The following CFAP47 variants were observed in gnomAD, a reference collection of about 807,000 sequenced individuals.
CFAP47 encodes cilia and flagella associated protein 47.
Under a neutral mutation model 148.1 loss-of-function variants are expected in CFAP47, and 29 were observed. The ratio of observed to expected loss-of-function variants is 0.20; its 90% confidence interval spans 0.15 to 0.27. The LOEUF (loss-of-function observed/expected upper bound fraction) is 0.27, where lower values mean the gene tolerates loss of function less well. CFAP47 is among the 10% of genes least tolerant of loss of function. The pLI is 1.00. For synonymous variants in CFAP47, 664 were observed against 577.3 expected (o/e 1.15, Z -2.15); for missense variants, 1,872 against 1,697.5 (o/e 1.10, Z -1.81).
Position 36,094,795 on chromosome X carries a change from T to C in CFAP47, c.4917-3998T>C, listed in dbSNP as rs111890979. ...TTTTTGTGGAGTCTTTAGGTTTTTC[T>C]AAATATGAGATCATATCATTTGCAA... On this transcript the variant is annotated intron_variant, in intron 30 of 63. Coordinates refer to ENST00000378653, the MANE Select transcript of CFAP47 (RefSeq NM_001304548.2). 9.6e-3 allele frequency among the ~76,000 whole-genome samples: 1,074 copies of C among 111,562 alleles called. 8 individuals carry two copies. The highest frequency in any genetic ancestry group is 0.033 in the African/African-American group (1,014 of 30,846).
chrX:36,216,657 A>G (rs1399142136), intron 45 of CFAP47, among the ~76,000 whole-genome samples: 3 of 111,634 alleles, frequency 2.7e-5, no homozygotes, highest in Admixed American at 9.6e-5. Context: ...TTTTAAGGAT[A>G]ATTTTTCAGG....
At chrX:36,353,856 G>A (rs1416331468) in intron 60 of CFAP47, among the ~76,000 whole-genome samples, 175 bp downstream of exon 60, 3 of 111,798 alleles carry the variant, frequency 2.7e-5, no homozygotes, top group Non-Finnish European at 3.8e-5. Flanking sequence ...TTATTTTCAC[G>A]TAGCTCAAAC....
intron 39 of CFAP47, among the ~76,000 whole-genome samples, chrX:36,175,978 C>T (rs1245655510): frequency 8.9e-6 from 1 of 112,533 alleles, no homozygotes; most frequent in Non-Finnish European, 1.9e-5. Flanking sequence ...ACCCTCCGAG[C>T]CAGGTGCGGG....
chrX:36,172,611 G>T (rs1260128825), intron 39 of CFAP47, among the ~76,000 whole-genome samples: 6 of 110,546 alleles, frequency 5.4e-5, no homozygotes, highest in African/African-American at 2.0e-4. Context: ...TTATTGATTT[G>T]CATATGTTGA....
intron 57 of CFAP47, among the ~76,000 whole-genome samples, chrX:36,344,239 G>GA (rs1223969089): frequency 2.5e-4 from 8 of 31,646 alleles, no homozygotes; most frequent in African/African-American, 4.6e-4. Context: ...ATAAAAAAAA[G>GA]AAAAAAAAAG....
chrX:35,980,981 G>T (rs1438004996), intron 15 of CFAP47, among the ~76,000 whole-genome samples: 2 of 110,003 alleles, frequency 1.8e-5, no homozygotes. Flanking sequence ...ATATAAAATT[G>T]CTCTCTTTGT....
rs182939698 is a variant in CFAP47, at chrX:36,063,601, A to G, written c.4218-2042A>G. On this transcript the variant is annotated intron_variant, in intron 26 of 63. Transcript: ENST00000378653. ...TATTTCCACTTCATTCTTGGAATAA[A>G]ATTTATTTTCAGAATTATTTTCGTT... Among the ~76,000 whole-genome samples the G allele has an allele frequency of 4.5e-5, 5 of 112,007 alleles. No homozygotes were observed. The East Asian group carries it at 1.4e-3, about 31-fold the overall frequency.
chrX:36,080,116 C>A (rs906668764), intron 29 of CFAP47, among the ~76,000 whole-genome samples: 9 of 111,429 alleles, frequency 8.1e-5, no homozygotes, highest in African/African-American at 2.9e-4. Flanking sequence ...AAAAAGTGGG[C>A]AAAGGATATG....
At position 36,085,488 on chromosome X, in the gene CFAP47, A is replaced by C; in HGVS notation, c.4866A>C (p.Lys1622Asn). The C allele has an allele frequency of 1.7e-6, 2 of 1,207,490 alleles. No homozygotes were observed. Among genetic ancestry groups the C allele is most frequent in the Non-Finnish European group, 2.2e-6 (2 of 892,555 alleles). ...SQSLPVDNHE[K>N]RVIQLHLQHS... is the part of the protein sequence containing the mutation. Reference sequence around the variant, plus strand: ...CTTTACCTGTAGATAACCATGAAAAAAGGGTAATTCAACTCCATTTGCAAC... The same window carrying C: ...CTTTACCTGTAGATAACCATGAAAACAGGGTAATTCAACTCCATTTGCAAC... The change falls in exon 30 of 64, where the codon AAA becomes AAC. Residue 1622 changes from lysine to asparagine, a missense_variant. Lys to Asn is a moderately conservative substitution (Grantham distance 94). Coordinates refer to ENST00000378653, the MANE Select transcript of CFAP47 (RefSeq NM_001304548.2).
At chrX:36,035,547 TTGTC>T (rs1375922393) in intron 23 of CFAP47, 144 bp from the exon 24 acceptor site, 10 of 266,783 alleles carry the variant, frequency 3.7e-5, no homozygotes, top group African/African-American at 5.6e-5. Context: ...ACCCCTTTGT[TTGTC>T]TAATATCATT....
intron 62 of CFAP47, among the ~76,000 whole-genome samples, chrX:36,376,576 GC>G (rs1159352098): frequency 8.9e-6 from 1 of 111,896 alleles, no homozygotes; most frequent in Non-Finnish European, 1.9e-5. Flanking sequence ...AGGGATAATG[GC>G]AAGAGGGTGC....
chrX:36,000,176 C>A, intron 19 of CFAP47, 107 bp from the exon 20 acceptor site: 1 of 258,113 alleles, frequency 3.9e-6, no homozygotes, highest in Non-Finnish European at 6.8e-6. Flanking sequence ...TTATAGGGTT[C>A]TGCTTTGTAG....
At chrX:36,145,856 A>G in intron 36 of CFAP47, among the ~76,000 whole-genome samples, 1 of 106,591 alleles carries the variant, frequency 9.4e-6, no homozygotes, top group South Asian at 4.3e-4. Flanking sequence ...ATCAGTTGAT[A>G]AGGATTTAGT....
At chrX:36,244,963 A>C (rs1236311513) in intron 48 of CFAP47, among the ~76,000 whole-genome samples, 3 of 111,771 alleles carry the variant, frequency 2.7e-5, no homozygotes, top group Non-Finnish European at 5.7e-5. Flanking sequence ...ATCCTCAAAA[A>C]AATAATAGCA....
At position 35,939,616 on chromosome X, in the gene CFAP47, A is replaced by G. The variant is rs751718934; in HGVS notation, c.402-1667A>G. ...AATTTCATCCATGTCCCTACAAAGG[A>G]CATGAACTCATCATTTTTTATGGCT... On this transcript the variant is annotated intron_variant, in intron 2 of 63. Coordinates refer to ENST00000378653, the MANE Select transcript of CFAP47 (RefSeq NM_001304548.2). Among the ~76,000 whole-genome samples, 360 of 82,306 alleles carry G rather than the reference A, an allele frequency of 4.4e-3. 3 individuals carry two copies. Among genetic ancestry groups the G allele is most frequent in the Middle Eastern group, 0.011 (2 of 180 alleles). The allele number at this position is 82,306 out of a possible 115,157, so 71.5% of individuals were successfully genotyped here. A position where few individuals can be genotyped will look rare whatever the true frequency, so the allele number is the denominator to read the frequency against.
At chrX:36,199,537 C>T (rs983709488) in intron 42 of CFAP47, among the ~76,000 whole-genome samples, 6 of 111,804 alleles carry the variant, frequency 5.4e-5, no homozygotes, top group Non-Finnish European at 9.4e-5. Context: ...ACTTCCAGGT[C>T]GCCTTGGGTA....
chrX:36,299,344 A>G (rs1473788139), intron 52 of CFAP47, among the ~76,000 whole-genome samples, 192 bp downstream of exon 52: 1 of 111,941 alleles, frequency 8.9e-6, no homozygotes, highest in African/African-American at 3.2e-5. Flanking sequence ...AATAGTATTT[A>G]TCAGAATATC....
Position 35,987,810 on chromosome X carries a change from C to T in CFAP47, c.2714-1509C>T, listed in dbSNP as rs139221010. 7.5e-3 allele frequency among the ~76,000 whole-genome samples: 841 copies of T among 111,607 alleles called. 9 individuals carry two copies. Among genetic ancestry groups the T allele is most frequent in the African/African-American group, 0.021 (632 of 30,690 alleles). On this transcript the variant is annotated intron_variant, in intron 15 of 63. Transcript: ENST00000378653. ...GGAAAGTGTAGTGTCTGGGCTGGAA[C>T]GCACCATCCCTCACGGCAAGGTCCA... is the stretch of plus-strand genomic sequence containing the variant.
At chrX:35,954,836 G>T (rs191184682) in intron 7 of CFAP47, among the ~76,000 whole-genome samples, 232 of 111,662 alleles carry the variant, frequency 2.1e-3, no homozygotes, top group Non-Finnish European at 3.9e-3. Context: ...CTGTTGGTCT[G>T]TCTCCCACAA....
Sources: gnomAD v4.1 joint callset for allele counts (sites outside exome capture counted in the v4.1 genomes callset) on GRCh38, gnomAD v4.1.1 for gene constraint, MANE v1.5 for transcripts, NCBI Gene and HGNC (gene_info 2026-07-23, HGNC 2026-07-21) for gene names.